Variants in CCDC138 observed in about 807,000 individuals in gnomAD.
The protein encoded by CCDC138 is coiled-coil domain-containing protein 138.
Under a neutral mutation model 82.3 loss-of-function variants are expected in CCDC138, and 66 were observed. That is an observed-to-expected ratio of 0.80 (90% CI 0.66 to 0.98). The LOEUF (loss-of-function observed/expected upper bound fraction) is 0.98. Among genes scored for constraint, CCDC138 ranks in the 50% least tolerant of loss-of-function variants. The probability of loss-of-function intolerance (pLI) is 0.00; values close to 1 mark genes in which losing one functional copy is unlikely to be tolerated. For synonymous variants in CCDC138, 297 were observed against 265.4 expected (o/e 1.12, Z -1.16); for missense variants, 816 against 758.9 (o/e 1.08, Z -0.88).
chr2:108,798,707 CTACA>C (rs762337812), intron 6 of CCDC138, 121 bp downstream of exon 6: 8 of 584,502 alleles, frequency 1.4e-5, no homozygotes, highest in Admixed American at 3.7e-5. Context: ...CTCTCCACGC[CTACA>C]CACACACACA....
chr2:108,870,302 G>T (rs1284312377), intron 13 of CCDC138, among the ~76,000 whole-genome samples: 2 of 152,150 alleles, frequency 1.3e-5, no homozygotes, highest in African/African-American at 4.8e-5. Context: ...TATTTGAAAT[G>T]ATCAAGTCCG....
chr2:108,862,412 G>A (rs899599096), intron 13 of CCDC138, among the ~76,000 whole-genome samples: 2 of 152,112 alleles, frequency 1.3e-5, no homozygotes, highest in Non-Finnish European at 2.9e-5. Context: ...AACTCCAAGT[G>A]CCTGTGACTG....
chr2:108,846,633 C>T lies in CCDC138; in HGVS notation c.1324-105C>T, dbSNP rs117711076. On this transcript the variant is annotated intron_variant, in intron 11 of 14. Coordinates refer to ENST00000295124, the MANE Select transcript of CCDC138 (RefSeq NM_144978.3). The stretch of plus-strand genomic sequence containing the variant: ...TTGAGGCTGCAGTGAGCCATGATTG[C>T]GCTACTGCATTCCAACCTGGGCAAC... 6,201 of 900,288 alleles carry T rather than the reference C, an allele frequency of 6.9e-3. 63 individuals carry two copies. The highest frequency in any genetic ancestry group is 0.03 in the East Asian group (1,122 of 37,152). The allele number at this position is 900,288 out of a possible 1,614,324, so 55.8% of individuals were successfully genotyped here.
At chr2:108,864,850 A>G (rs1694174785) in intron 13 of CCDC138, among the ~76,000 whole-genome samples, 1 of 151,388 alleles carries the variant, frequency 6.6e-6, no homozygotes, top group Non-Finnish European at 1.5e-5. Flanking sequence ...AGTCCCAGCT[A>G]CTTGGGAGGC....
chr2:108,876,321 C>T lies in CCDC138; in HGVS notation c.*68C>T. The T allele has an allele frequency of 2.4e-6, 2 of 837,360 alleles. No homozygotes were observed. Among genetic ancestry groups the T allele is most frequent in the Admixed American group, 2.6e-5 (1 of 38,614 alleles). 51.9% of individuals were successfully genotyped at this position (837,360 alleles called of 1,614,324 possible). On this transcript the variant is annotated 3_prime_UTR_variant, in exon 15 of 15. Coordinates refer to ENST00000295124, the MANE Select transcript of CCDC138 (RefSeq NM_144978.3). ...AAACATGTAGAAATTACCAAAGTAA[C>T]TACAATTCTACCAAGTAAAGTTATC...
At chr2:108,855,289 C>G (rs1020082526) in intron 12 of CCDC138, among the ~76,000 whole-genome samples, 9 of 151,984 alleles carry the variant, frequency 5.9e-5, no homozygotes, top group Admixed American at 2.6e-4. Flanking sequence ...TTAAAGTTTG[C>G]AAACTTAAAA....
Position 108,805,086 on chromosome 2 carries a change from C to A in CCDC138, c.855+78C>A, listed in dbSNP as rs550915483. ...TTATATATAACAAATTAAAGTCAGC[C>A]TTAGAACACGTTTCAGCTAGAGAAA... On this transcript the variant is annotated intron_variant, in intron 7 of 14. Coordinates refer to ENST00000295124, the MANE Select transcript of CCDC138 (RefSeq NM_144978.3). 7.9e-6 allele frequency: 6 copies of A among 759,076 alleles called. No homozygotes were observed. The South Asian group carries it at 3.4e-4, about 42-fold the overall frequency. The allele number at this position is 759,076 out of a possible 1,614,324, so 47.0% of individuals were successfully genotyped here.
At chr2:108,815,738 T>C (rs1684677386) in intron 9 of CCDC138, among the ~76,000 whole-genome samples, 1 of 152,114 alleles carries the variant, frequency 6.6e-6, no homozygotes. Context: ...AGTGGTGGGA[T>C]TACAGGCTTG....
chr2:108,811,247 C>CTCTTTTTTTTTTTTTTTTTTTTTTTTT lies in CCDC138; in HGVS notation c.856-1383_856-1382insCTTTTTTTTTTTTTTTTTTTTTTTTTT, dbSNP rs760937756. 4.0e-4 allele frequency among the ~76,000 whole-genome samples: 46 copies of CTCTTTTTTTTTTTTTTTTTTTTTTTTT among 113,880 alleles called. 2 individuals are homozygous for CTCTTTTTTTTTTTTTTTTTTTTTTTTT. Among genetic ancestry groups the CTCTTTTTTTTTTTTTTTTTTTTTTTTT allele is most frequent in the South Asian group, 2.1e-3 (7 of 3,354 alleles). The allele number at this position is 113,880 out of a possible 152,430, so 74.7% of individuals were successfully genotyped here. ...CTCCCTTTTCTTTCTTTCTCTCTCT[C>CTCTTTTTTTTTTTTTTTTTTTTTTTTT]TTTTTTTTTTTTTTTGACTGTCTCC... On this transcript the variant is annotated intron_variant, in intron 7 of 14. Coordinates refer to ENST00000295124, the MANE Select transcript of CCDC138 (RefSeq NM_144978.3).
chr2:108,857,223 C>G (rs184614235), intron 13 of CCDC138, among the ~76,000 whole-genome samples: 4 of 151,938 alleles, frequency 2.6e-5, no homozygotes, highest in African/African-American at 9.7e-5. Flanking sequence ...GGATTACAGG[C>G]ACACGCCACC....
downstream of CCDC138, among the ~76,000 whole-genome samples, chr2:108,877,142 C>T (rs1409537756): frequency 1.3e-5 from 2 of 152,138 alleles, no homozygotes; most frequent in African/African-American, 4.8e-5. Context: ...AAAGAACAGG[C>T]CAAGGTGAGA....
intron 13 of CCDC138, among the ~76,000 whole-genome samples, chr2:108,858,841 A>T (rs189843498): frequency 6.4e-4 from 97 of 152,190 alleles, no homozygotes; most frequent in African/African-American, 2.3e-3. Context: ...TGCTGCAAAG[A>T]ACATTATTTC....
At chr2:108,861,607 A>T (rs1209266127) in intron 13 of CCDC138, among the ~76,000 whole-genome samples, 2 of 151,336 alleles carry the variant, frequency 1.3e-5, no homozygotes, top group African/African-American at 4.9e-5. Flanking sequence ...CAGCCTCCTG[A>T]GTAGCTGGGA....
chr2:108,818,256 G>A (rs1408161717), intron 10 of CCDC138, among the ~76,000 whole-genome samples: 18 of 152,112 alleles, frequency 1.2e-4, no homozygotes, highest in South Asian at 6.2e-4. Context: ...GCAGTGAGCC[G>A]TGATTGTACC....
intron 13 of CCDC138, among the ~76,000 whole-genome samples, chr2:108,871,264 G>A (rs1286603743): frequency 6.6e-6 from 1 of 150,750 alleles, no homozygotes; most frequent in Non-Finnish European, 1.5e-5. Context: ...CAGGTGTGGT[G>A]TCTCATGCCT....
At chr2:108,789,286 A>AT (rs1003226013) in intron 3 of CCDC138, among the ~76,000 whole-genome samples, 12 of 151,848 alleles carry the variant, frequency 7.9e-5, no homozygotes, top group African/African-American at 2.4e-4. Context: ...TTCTTTAAAA[A>AT]TTTTTTTTTA....
intron 10 of CCDC138, among the ~76,000 whole-genome samples, chr2:108,828,792 CAT>C (rs1687063771): frequency 6.6e-6 from 1 of 152,090 alleles, no homozygotes; most frequent in Non-Finnish European, 1.5e-5. Context: ...GCCTGGCCAA[CAT>C]AGTGAAACCC....
exon 3 of CCDC138, chr2:108,885,171 A>G (rs1371178099): frequency 6.6e-6 from 1 of 152,106 alleles, no homozygotes; most frequent in East Asian, 1.9e-4. Flanking sequence ...CCCGCCCCCA[A>G]TGCTGGACTT....
intron 1 of CCDC138, 54 bp downstream of exon 1, chr2:108,786,969 C>A: frequency 1.6e-6 from 2 of 1,259,026 alleles, no homozygotes; most frequent in Non-Finnish European, 2.1e-6. Flanking sequence ...GGGGGCGGCC[C>A]GCTCCGTGCC....
Sources: allele counts gnomAD v4.1 joint callset (sites outside exome capture counted in the v4.1 genomes callset), GRCh38; gene constraint gnomAD v4.1.1; transcripts MANE v1.5; gene names NCBI Gene and HGNC (gene_info 2026-07-23, HGNC 2026-07-21).